The following SATL1 variants were observed in gnomAD, a reference collection of about 807,000 sequenced individuals.
SATL1 encodes spermidine/spermine N1-acetyl transferase like 1, also known as spermidine/spermine N(1)-acetyltransferase-like protein 1.
SATL1 carries 47 observed loss-of-function variants against 51.8 expected under a neutral mutation model. The observed-to-expected ratio is 0.91, with a 90% CI of 0.72 to 1.16. The LOEUF (loss-of-function observed/expected upper bound fraction) is 1.16. SATL1 is among the 50% of genes most tolerant of loss of function. The pLI is 0.00. For synonymous variants in SATL1, 176 were observed against 182.4 expected, an observed-to-expected ratio of 0.97 and a Z score of 0.28; for missense variants, 520 against 526.4, an observed-to-expected ratio of 0.99 and a Z score of 0.12.
At chrX:85,229,997 A>T (rs1359060048) in intron 1 of SATL1, among the ~76,000 whole-genome samples, 1 of 111,538 alleles carries the variant, frequency 9.0e-6, no homozygotes, top group African/African-American at 3.3e-5. Flanking sequence ...TGTTCATACT[A>T]CCCAAAGAGA....
chrX:85,233,676 T>A (rs191293419), intron 1 of SATL1, among the ~76,000 whole-genome samples: 2 of 112,282 alleles, frequency 1.8e-5, no homozygotes, highest in East Asian at 5.6e-4. Flanking sequence ...CTTAACTGCA[T>A]AATTGATCAA....
At chrX:85,127,731 G>C (rs905968721) in intron 2 of SATL1, among the ~76,000 whole-genome samples, 1 of 110,751 alleles carries the variant, frequency 9.0e-6, no homozygotes, top group Non-Finnish European at 1.9e-5. Flanking sequence ...GTGCCATGTT[G>C]GTGTGCTGCA....
chrX:85,116,529 G>C (rs1925386623), intron 2 of SATL1, among the ~76,000 whole-genome samples: 1 of 111,591 alleles, frequency 9.0e-6, no homozygotes, highest in Non-Finnish European at 1.9e-5. Flanking sequence ...TCCTATGCAT[G>C]CTCACTTGAG....
At chrX:85,229,528 G>A (rs1235553286) in intron 1 of SATL1, among the ~76,000 whole-genome samples, 1 of 111,156 alleles carries the variant, frequency 9.0e-6, no homozygotes, top group Non-Finnish European at 1.9e-5. Context: ...ATCTCTTAAT[G>A]TAATATAACA....
intron 2 of SATL1, among the ~76,000 whole-genome samples, chrX:85,130,840 C>T (rs1278615450): frequency 2.7e-5 from 3 of 111,802 alleles, no homozygotes; most frequent in Non-Finnish European, 5.6e-5. Flanking sequence ...GATTCTGCTA[C>T]ATTATGTCTT....
At chrX:85,147,387 G>C (rs1926283582) in intron 2 of SATL1, among the ~76,000 whole-genome samples, 1 of 113,305 alleles carries the variant, frequency 8.8e-6, no homozygotes, top group Non-Finnish European at 1.9e-5. Flanking sequence ...CCACCTCTGG[G>C]GGCAGGGCAC....
At chrX:85,121,454 T>C (rs2147701057) in intron 2 of SATL1, among the ~76,000 whole-genome samples, 1 of 104,082 alleles carries the variant, frequency 9.6e-6, no homozygotes, top group East Asian at 2.9e-4. Context: ...TATATATAAA[T>C]ATATATGCTA....
chrX:85,220,289 T>G (rs1303032318), intron 2 of SATL1, among the ~76,000 whole-genome samples: 1 of 110,175 alleles, frequency 9.1e-6, no homozygotes. Context: ...AGGGCCAAAG[T>G]GCTCTGGATT....
At chrX:85,128,038 G>C (rs1167110380) in intron 2 of SATL1, among the ~76,000 whole-genome samples, 1 of 111,702 alleles carries the variant, frequency 9.0e-6, no homozygotes, top group African/African-American at 3.3e-5. Context: ...TCTTAATCCA[G>C]TCTATCATTG....
In SATL1 at chrX:85,108,804, G is replaced by A. The variant is rs1810757644; in HGVS notation, c.165C>T (p.Ser55=). ...NQVDMKQPSM[S]QAGMRQSGTN... is the part of the protein sequence containing the mutation. Reference sequence around the variant, plus strand: ...TACCTGATTGCCTCATGCCAGCTTGGCTCATGCTTGGTTGTTTCATGTCCA... The same window carrying A: ...TACCTGATTGCCTCATGCCAGCTTGACTCATGCTTGGTTGTTTCATGTCCA... Residue 55 remains serine (S), a synonymous_variant, in exon 3 of 8, where the codon AGC becomes AGT. Transcript: ENST00000644105. The A allele has an allele frequency of 8.3e-7, 1 of 1,211,154 alleles. No individual in the cohort carries two copies. The highest frequency in any genetic ancestry group is 1.1e-6 in the Non-Finnish European group (1 of 895,318).
chrX:85,173,702 A>G (rs1318871657), intron 2 of SATL1, among the ~76,000 whole-genome samples: 1 of 110,966 alleles, frequency 9.0e-6, no homozygotes, highest in Non-Finnish European at 1.9e-5. Context: ...GTAAGGTTTT[A>G]AGTGTAAACA....
intron 4 of SATL1, among the ~76,000 whole-genome samples, chrX:85,102,774 A>C (rs1032327959): frequency 9.0e-6 from 1 of 111,624 alleles, no homozygotes; most frequent in African/African-American, 3.3e-5. Context: ...TTCTTGGGAC[A>C]AGAAGTGTTT....
chrX:85,101,994 T>C (rs1602829053), intron 4 of SATL1, among the ~76,000 whole-genome samples: 1 of 109,725 alleles, frequency 9.1e-6, no homozygotes, highest in African/African-American at 3.3e-5. Context: ...GAAAGTAGAA[T>C]AGTAGTTATG....
intron 2 of SATL1, among the ~76,000 whole-genome samples, chrX:85,112,066 A>T (rs1925272375): frequency 8.9e-6 from 1 of 111,828 alleles, no homozygotes; most frequent in African/African-American, 3.3e-5. Context: ...AAAAAGTTTT[A>T]GAGGCCAGGT....
At chrX:85,123,896 C>T (rs1160367108) in intron 2 of SATL1, among the ~76,000 whole-genome samples, 1 of 111,772 alleles carries the variant, frequency 8.9e-6, no homozygotes, top group South Asian at 3.7e-4. Context: ...CACAACACAG[C>T]AAACTGTTAA....
chrX:85,226,829 C>A (rs1928284439), intron 1 of SATL1, among the ~76,000 whole-genome samples: 1 of 110,916 alleles, frequency 9.0e-6, no homozygotes, highest in African/African-American at 3.3e-5. Context: ...ATCTCTCCAG[C>A]ACACTCCTTT....
intron 2 of SATL1, among the ~76,000 whole-genome samples, chrX:85,155,306 G>A (rs1021329535): frequency 2.7e-5 from 3 of 111,074 alleles, no homozygotes; most frequent in African/African-American, 9.8e-5. Flanking sequence ...ATTCTCCATA[G>A]CTTTCCTACT....
At chrX:85,159,946 A>G (rs1926680024) in intron 2 of SATL1, among the ~76,000 whole-genome samples, 1 of 111,727 alleles carries the variant, frequency 9.0e-6, no homozygotes, top group Admixed American at 9.5e-5. Context: ...TTCTGGGACC[A>G]GCAGGTCGGG....
At chrX:85,157,101 A>G (rs902540093) in intron 2 of SATL1, among the ~76,000 whole-genome samples, 2 of 108,552 alleles carry the variant, frequency 1.8e-5, no homozygotes, top group Non-Finnish European at 3.8e-5. Flanking sequence ...TCTTTTTGTT[A>G]TGGCATACTA....
Sources: gnomAD v4.1 joint callset for allele counts (sites outside exome capture counted in the v4.1 genomes callset) on GRCh38, gnomAD v4.1.1 for gene constraint, MANE v1.5 for transcripts, NCBI Gene and HGNC (gene_info 2026-07-23, HGNC 2026-07-21) for gene names.